Variants in NLRP14 observed in about 807,000 individuals in gnomAD.
NLRP14 encodes the protein NACHT, LRR and PYD domains-containing protein 14.
A neutral mutation model predicts 94.7 loss-of-function variants in NLRP14; 105 were observed. That is an observed-to-expected ratio of 1.11 (90% confidence interval 0.95 to 1.30). NLRP14 has a LOEUF of 1.30. Ranked by LOEUF, NLRP14 falls within the 50% of genes most tolerant of loss-of-function variation. The pLI is 0.00. For missense variants in NLRP14, 1,362 were observed against 1,254.1 expected (o/e 1.09, Z -1.30); for synonymous variants, 508 against 459.9 (o/e 1.10, Z -1.34).
chr11:7,066,828 T>A (rs1852713028), intron 10 of NLRP14, among the ~76,000 whole-genome samples: 2 of 152,184 alleles, frequency 1.3e-5, no homozygotes, highest in Non-Finnish European at 2.9e-5. Flanking sequence ...GTTTTAGGTC[T>A]TATGTTTAAG....
chr11:7,025,609 A>G (rs1292375550), intron 1 of NLRP14, among the ~76,000 whole-genome samples: 3 of 152,172 alleles, frequency 2.0e-5, no homozygotes, highest in Admixed American at 6.5e-5. Context: ...TCTCAGAGTC[A>G]CTCAAGTAAC....
intron 3 of NLRP14, among the ~76,000 whole-genome samples, chr11:7,040,107 T>G (rs7103238): frequency 0.62 from 94,548 of 152,046 alleles, 29,692 homozygotes; most frequent in East Asian, 0.74. Flanking sequence ...TTATCACATC[T>G]ACTTTCTTTA....
In NLRP14 at chr11:7,070,429, C is replaced by A; in HGVS notation, c.3119C>A (p.Ser1040Tyr). The A allele has an allele frequency of 1.2e-6, 2 of 1,611,346 alleles. No homozygotes were observed. Among genetic ancestry groups the A allele is most frequent in the South Asian group, 2.2e-5 (2 of 90,912 alleles). The change falls in exon 11 of 12, where the codon TCT (serine) becomes TAT (tyrosine). Residue 1040 changes from serine to tyrosine, a missense_variant. Physicochemically the swap from Ser to Tyr is moderately radical, Grantham distance 144 (BLOSUM62 -2). Transcript: ENST00000299481. ...GIVKLYKVLK[S>Y]PKCKLQVLGL... ...GTGAAGTTATATAAAGTCTTGAAGT[C>A]TCCTAAGTGTAAACTACAAGTTCTA...
intron 6 of NLRP14, 60 bp downstream of exon 6, chr11:7,049,898 A>G (rs992770840): frequency 1.7e-5 from 23 of 1,393,476 alleles, no homozygotes; most frequent in Non-Finnish European, 5.1e-6. Context: ...TGTCTATCCA[A>G]GTAGACTCTT....
Position 7,060,019 on chromosome 11 carries a change from T to C in NLRP14, c.2759T>C (p.Leu920Pro), listed in dbSNP as rs1852591842. Residue 920 changes from leucine (L) to proline (P), a missense_variant, in exon 9 of 12, where the codon CTG becomes CCG. By Grantham distance (98) the Leu-to-Pro change is moderately conservative. Coordinates refer to ENST00000299481, the MANE Select transcript of NLRP14 (RefSeq NM_176822.4). The stretch of plus-strand genomic sequence containing the variant: ...CTACAAGACAATGGAGTGAAGCTTC[T>C]GTGTGATGTCTTTCGGCATCCAAGC... ...NWLQDNGVKL[L>P]CDVFRHPSCN... 2 of 1,612,686 alleles carry C rather than the reference T, an allele frequency of 1.2e-6. No homozygotes were observed. Among genetic ancestry groups the C allele is most frequent in the South Asian group, 1.1e-5 (1 of 91,064 alleles).
At chr11:7,026,100 G>A (rs1852010803) in intron 1 of NLRP14, among the ~76,000 whole-genome samples, 1 of 152,150 alleles carries the variant, frequency 6.6e-6, no homozygotes, top group South Asian at 2.1e-4. Context: ...CATGGGCAAG[G>A]ACTTCATGTC....
Position 7,057,982 on chromosome 11 carries a change from C to A in NLRP14, c.2462+135C>A, listed in dbSNP as rs146729783. On this transcript the variant is annotated intron_variant, in intron 7 of 11. Transcript: ENST00000299481. ...GTCAATTCTGAATAAGCTCTACATG[C>A]ATCCCCCTTCTCTTCCTCTACTTCC... 9.3e-4 allele frequency: 716 copies of A among 766,826 alleles called. 6 individuals carry two copies. In the African/African-American group the frequency reaches 0.01, roughly 11 times the overall value. The allele number at this position is 766,826 out of a possible 1,614,324, so 47.5% of individuals were successfully genotyped here.
chr11:7,033,631 C>G (rs1367917416), intron 1 of NLRP14, among the ~76,000 whole-genome samples: 1 of 152,154 alleles, frequency 6.6e-6, no homozygotes, highest in African/African-American at 2.4e-5. Flanking sequence ...ATTTACACTT[C>G]AGTTGTCTAT....
In NLRP14 at chr11:7,042,633, G is replaced by A. The variant is rs1474096518; in HGVS notation, c.607G>A (p.Gly203Ser). 7 of 1,614,120 alleles carry A rather than the reference G, an allele frequency of 4.3e-6. No homozygotes were observed. Among genetic ancestry groups the A allele is most frequent in the Non-Finnish European group, 5.9e-6 (7 of 1,179,964 alleles). Residue 203 changes from glycine (G) to serine (S), a missense_variant, in exon 4 of 12, where the codon GGC becomes AGC. By Grantham distance (56) the Gly-to-Ser change is moderately conservative. Coordinates refer to ENST00000299481, the MANE Select transcript of NLRP14 (RefSeq NM_176822.4). ...VRKAMLDWAE[G>S]SLYQQRFKYV... ...AAAGGCAATGTTAGATTGGGCAGAG[G>A]GCAGTCTCTACCAGCAGAGGTTTAA...
At chr11:7,089,034 C>A in the NLRP14 span, 1 of 1,471,456 alleles carries the variant, frequency 6.8e-7, no homozygotes, top group Non-Finnish European at 9.3e-7. Flanking sequence ...CCAGTAGGAG[C>A]CGCCCTCGAC....
the NLRP14 span, chr11:7,090,617 A>C: frequency 1.5e-5 from 6 of 407,290 alleles, no homozygotes; most frequent in Non-Finnish European, 4.8e-6. Context: ...TTGATAAATG[A>C]GGCAAACAGT....
At chr11:7,088,118 G>T in the NLRP14 span, among the ~76,000 whole-genome samples, 4 of 152,110 alleles carry the variant, frequency 2.6e-5, no homozygotes, top group Non-Finnish European at 5.9e-5. Flanking sequence ...CAGAAAATAA[G>T]AAAGAACTTT....
Position 7,043,815 on chromosome 11 carries a change from C to A in NLRP14, c.1789C>A (p.Gln597Lys), listed in dbSNP as rs200067495. The A allele has an allele frequency of 4.3e-6, 7 of 1,614,144 alleles. No homozygotes were observed. The Admixed American group carries it at 6.7e-5, about 15-fold the overall frequency. ...GACTCAAGATAAAGCGTTTATAAGC[C>A]AGGCAATGAGATGTTTCCCAAAGGT... is the stretch of plus-strand genomic sequence containing the variant. Reference protein sequence around the residue: ...YETQDKAFISQAMRCFPKVAI... With the variant: ...YETQDKAFISKAMRCFPKVAI... The change falls in exon 4 of 12, where the codon CAG (glutamine) becomes AAG (lysine). Residue 597 changes from glutamine (Q) to lysine (K), a missense_variant. Physicochemically the swap from Gln to Lys is moderately conservative, Grantham distance 53. Coordinates refer to ENST00000299481, the MANE Select transcript of NLRP14 (RefSeq NM_176822.4).
downstream of NLRP14, among the ~76,000 whole-genome samples, chr11:7,075,151 C>T (rs1462492193): frequency 6.6e-6 from 1 of 152,108 alleles, no homozygotes; most frequent in Non-Finnish European, 1.5e-5. Flanking sequence ...AATGGGAACT[C>T]AGCTTCCAAG....
chr11:7,051,353 T>A (rs974695628), intron 6 of NLRP14, among the ~76,000 whole-genome samples: 1 of 152,194 alleles, frequency 6.6e-6, no homozygotes, highest in Non-Finnish European at 1.5e-5. Flanking sequence ...ATAAGAGCCA[T>A]GGGTAGTATG....
At chr11:7,041,160 T>G (rs1038603971) in intron 3 of NLRP14, among the ~76,000 whole-genome samples, 3 of 152,206 alleles carry the variant, frequency 2.0e-5, no homozygotes, top group Non-Finnish European at 4.4e-5. Flanking sequence ...GGGTAAATAG[T>G]GTTTTTCTTC....
At chr11:7,022,596 A>C (rs1192168258) in intron 1 of NLRP14, among the ~76,000 whole-genome samples, 1 of 152,214 alleles carries the variant, frequency 6.6e-6, no homozygotes, top group African/African-American at 2.4e-5. Context: ...CTCTTCAAAC[A>C]TTAGCAGAAT....
At chr11:7,089,232 C>T in the NLRP14 span, 1 of 1,612,956 alleles carries the variant, frequency 6.2e-7, no homozygotes, top group Non-Finnish European at 8.5e-7. Context: ...CGTCGAGGTG[C>T]TCCTGATGAA....
At chr11:7,082,860 T>C in the NLRP14 span, among the ~76,000 whole-genome samples, 1 of 152,182 alleles carries the variant, frequency 6.6e-6, no homozygotes, top group South Asian at 2.1e-4. Flanking sequence ...GACATTATAA[T>C]TGTGTTCACG....
Sources: allele counts gnomAD v4.1 joint callset (sites outside exome capture counted in the v4.1 genomes callset), GRCh38; gene constraint gnomAD v4.1.1; transcripts MANE v1.5; gene names NCBI Gene and HGNC (gene_info 2026-07-23, HGNC 2026-07-21).